FCHO1: variants seen among roughly 807,000 people sequenced by gnomAD.
The protein encoded by FCHO1 is F-BAR domain only protein 1.
FCHO1 carries 45 observed loss-of-function variants against 114.4 expected under a neutral mutation model. The ratio of observed to expected loss-of-function variants is 0.39; its 90% CI spans 0.31 to 0.50. The LOEUF (loss-of-function observed/expected upper bound fraction) is 0.50. FCHO1 is among the 20% of genes least tolerant of loss of function. The probability of loss-of-function intolerance (pLI) is 0.77; values close to 1 mark genes in which losing one functional copy is unlikely to be tolerated. For missense variants in FCHO1, 1,042 were observed against 1,209.6 expected, an observed-to-expected ratio of 0.86 and a Z score of 2.06; for synonymous variants, 480 against 488.9, an observed-to-expected ratio of 0.98 and a Z score of 0.24.
chr19:17,763,968 C>T (rs1475679553), intron 5 of FCHO1, among the ~76,000 whole-genome samples: 1 of 151,924 alleles, frequency 6.6e-6, no homozygotes, highest in Non-Finnish European at 1.5e-5. Flanking sequence ...AAAGCCACTG[C>T]TAAGGTGTTT....
In FCHO1 at chr19:17,778,496, T is replaced by C; in HGVS notation, c.1352-113T>C. On this transcript the variant is annotated intron_variant, in intron 19 of 28. Transcript: ENST00000596536. ...TAGCCTTGGGGGCGTGCACAAGGAC[T>C]TTGAATGGGGGCCCCCCTGACCTTC... 3.1e-6 allele frequency: 4 copies of C among 1,287,346 alleles called. No individual in the cohort carries two copies. In the South Asian group the frequency reaches 6.0e-5, roughly 19 times the overall value. The allele number at this position is 1,287,346 out of a possible 1,614,324, so 79.7% of individuals were successfully genotyped here.
chr19:17,768,711 A>G (rs1480154931), intron 7 of FCHO1, among the ~76,000 whole-genome samples: 2 of 121,610 alleles, frequency 1.6e-5, no homozygotes, highest in East Asian at 8.2e-4. Flanking sequence ...AAACAAGGCA[A>G]AAAAAAAAAA....
In FCHO1 at chr19:17,751,791, G is replaced by A. The variant is rs192290646; in HGVS notation, c.-183+214G>A. On this transcript the variant is annotated intron_variant, in intron 1 of 28. Transcript: ENST00000596536. This position sits in a 1 kb window ranked among gnomAD's most constrained non-coding sequence, Gnocchi z 4.4. ...GTGGTTTGGGTTAGGGGGGCGGCAA[G>A]GGGAGCTTGGAAACCCAGAGAGCCA... Among the ~76,000 whole-genome samples the A allele has an allele frequency of 6.6e-6, 1 of 152,364 alleles. No individual in the cohort carries two copies. Among genetic ancestry groups the A allele is most frequent in the Admixed American group, 6.5e-5 (1 of 15,310 alleles).
At position 17,766,690 on chromosome 19, in the gene FCHO1, G is replaced by A. The variant is rs779018736; in HGVS notation, c.216G>A (p.Glu72=). The A allele has an allele frequency of 1.2e-6, 2 of 1,614,186 alleles. No homozygotes were observed. Among genetic ancestry groups the A allele is most frequent in the Admixed American group, 1.7e-5 (1 of 60,018 alleles). The change falls in exon 7 of 29, where the codon GAG becomes GAA. Residue 72 remains glutamate, a synonymous_variant. Coordinates refer to ENST00000596536, the MANE Select transcript of FCHO1 (RefSeq NM_015122.3). ...CCAGGACCTTCGCCCCGCTCTGGGAGGTCTTCCGCGTCTCCTCGGACAAGC... is the reference window on the plus strand; with the variant it reads ...CCAGGACCTTCGCCCCGCTCTGGGAAGTCTTCCGCGTCTCCTCGGACAAGC... ...TPMGTFAPLW[E]VFRVSSDKLA...
chr19:17,754,870 C>G, intron 3 of FCHO1, 189 bp downstream of exon 3: 2 of 447,458 alleles, frequency 4.5e-6, no homozygotes, highest in South Asian at 4.3e-5. Flanking sequence ...AGCTCTTGTC[C>G]CTCCACCTAG....
At chr19:17,781,147 G>A (rs1158761611) in intron 20 of FCHO1, 84 bp from the exon 21 acceptor site, 13 of 940,468 alleles carry the variant, frequency 1.4e-5, no homozygotes, top group East Asian at 2.4e-5. Context: ...CACCTCCTAA[G>A]ATTTTGGCTG....
rs566025223 is a variant in FCHO1 at position 17,783,216 on chromosome 19, G to A, written c.2093+44G>A. On this transcript the variant is annotated intron_variant, in intron 24 of 28. Coordinates refer to ENST00000596536, the MANE Select transcript of FCHO1 (RefSeq NM_015122.3). ...GGGAGAGGGCCTCGGAGGCTGCTGG[G>A]GATCAGGCTTCCGGACTCTGAGTTC... is the stretch of plus-strand genomic sequence containing the variant. The A allele has an allele frequency of 6.3e-6, 10 of 1,589,652 alleles. No individual in the cohort carries two copies. The South Asian group carries it at 1.1e-4, about 18-fold the overall frequency.
At chr19:17,761,626 G>GTATATA (rs1430327596) in intron 4 of FCHO1, among the ~76,000 whole-genome samples, 2 of 95,624 alleles carry the variant, frequency 2.1e-5, no homozygotes, top group Admixed American at 1.4e-4. Context: ...TTCTTTTCAT[G>GTATATA]TATATACATA....
chr19:17,770,129 G>A (rs1486069855), intron 7 of FCHO1, among the ~76,000 whole-genome samples: 6 of 152,098 alleles, frequency 3.9e-5, no homozygotes, highest in Middle Eastern at 3.4e-3. Flanking sequence ...GTGAAACCCC[G>A]TCTCCACTAA....
chr19:17,784,545 C>T lies in FCHO1; in HGVS notation c.2227-180C>T, dbSNP rs1028829492. 1.3e-5 allele frequency among the ~76,000 whole-genome samples: 2 copies of T among 152,176 alleles called. No homozygotes were observed. The highest frequency in any genetic ancestry group is 1.5e-5 in the Non-Finnish European group (1 of 68,042). On this transcript the variant is annotated intron_variant, in intron 25 of 28. Coordinates refer to ENST00000596536, the MANE Select transcript of FCHO1 (RefSeq NM_015122.3). The surrounding 1 kb of genome is among the most constrained non-coding windows in gnomAD (Gnocchi z 5.3). ...TGGGAGACTTTGTTAGAATGAGGCG[C>T]TCTCCTGCCCCCTGCTGGAAACCTG... is the stretch of plus-strand genomic sequence containing the variant.
rs894486212 is a variant in FCHO1 at position 17,775,867 on chromosome 19, C to T, written c.1004-116C>T. ...AGGACTGAAGGTGGCGCGTGGTGAGCGATGGGATTGGGCAGGACCTCGAAG... is the reference window on the plus strand; with the variant it reads ...AGGACTGAAGGTGGCGCGTGGTGAGTGATGGGATTGGGCAGGACCTCGAAG... On this transcript the variant is annotated intron_variant, in intron 15 of 28. Coordinates refer to ENST00000596536, the MANE Select transcript of FCHO1 (RefSeq NM_015122.3). The surrounding 1 kb of genome is among the most constrained non-coding windows in gnomAD (Gnocchi z 5.1). 1.1e-5 allele frequency: 13 copies of T among 1,237,026 alleles called. No individual in the cohort carries two copies. In the African/African-American group the frequency reaches 1.2e-4, roughly 11 times the overall value. 76.6% of individuals were successfully genotyped at this position (1,237,026 alleles called of 1,614,324 possible).
intron 1 of FCHO1, among the ~76,000 whole-genome samples, chr19:17,752,561 A>G (rs1172532992): frequency 6.6e-6 from 1 of 151,438 alleles, no homozygotes; most frequent in Admixed American, 6.6e-5. Context: ...CGCCCAGCCA[A>G]TTGTATTTAA....
At chr19:17,786,746 A>G (rs886250727) in intron 27 of FCHO1, 117 bp downstream of exon 27, 6 of 1,141,106 alleles carry the variant, frequency 5.3e-6, no homozygotes, top group Non-Finnish European at 7.6e-6. Flanking sequence ...ATGGGCATTG[A>G]GGAAGTCTTT....
upstream of FCHO1, among the ~76,000 whole-genome samples, chr19:17,747,970 G>A (rs892181439): frequency 1.3e-5 from 2 of 152,102 alleles, no homozygotes; most frequent in South Asian, 4.1e-4. Context: ...TGGGCGCCCC[G>A]GCTTCCCCCT....
At chr19:17,762,064 C>T (rs2146556798) in intron 4 of FCHO1, among the ~76,000 whole-genome samples, 1 of 151,800 alleles carries the variant, frequency 6.6e-6, no homozygotes, top group Non-Finnish European at 1.5e-5. Flanking sequence ...CAGCTCACTG[C>T]AACCTCTGCC....
At chr19:17,764,200 C>T (rs2146652529) in intron 5 of FCHO1, among the ~76,000 whole-genome samples, 175 bp from the exon 6 acceptor site, 1 of 152,272 alleles carries the variant, frequency 6.6e-6, no homozygotes, top group Admixed American at 6.5e-5. Context: ...ACCACCACAC[C>T]TGGCTAATTT....
Position 17,775,889 on chromosome 19 carries a change from G to A in FCHO1, c.1004-94G>A, listed in dbSNP as rs759695692. The A allele has an allele frequency of 2.0e-6, 3 of 1,473,492 alleles. No homozygotes were observed. The highest frequency in any genetic ancestry group is 2.3e-5 in the East Asian group (1 of 43,598). The allele number at this position is 1,473,492 out of a possible 1,614,324, so 91.3% of individuals were successfully genotyped here. A position where few individuals can be genotyped will look rare whatever the true frequency, so the allele number is the denominator to read the frequency against. On this transcript the variant is annotated intron_variant, in intron 15 of 28. Coordinates refer to ENST00000596536, the MANE Select transcript of FCHO1 (RefSeq NM_015122.3). This position sits in a 1 kb window ranked among gnomAD's most constrained non-coding sequence, Gnocchi z 5.1. ...GAGCGATGGGATTGGGCAGGACCTC[G>A]AAGGGTTTGAGCAGGGAGGGACGAG...
Position 17,775,336 on chromosome 19 carries a change from C to A in FCHO1, c.946-120C>A. 9.7e-7 allele frequency: 1 copy of A among 1,030,142 alleles called. No individual in the cohort carries two copies. The allele number at this position is 1,030,142 out of a possible 1,614,324, so 63.8% of individuals were successfully genotyped here. A position where few individuals can be genotyped will look rare whatever the true frequency, so the allele number is the denominator to read the frequency against. On this transcript the variant is annotated intron_variant, in intron 14 of 28. Transcript: ENST00000596536. The surrounding 1 kb of genome is among the most constrained non-coding windows in gnomAD (Gnocchi z 5.1). ...ACCCAGGGAAGACAGTCGTTGCCATCAGGGTTGGTTTTGAGGTCTGAGTCA... is the reference window on the plus strand; with the variant it reads ...ACCCAGGGAAGACAGTCGTTGCCATAAGGGTTGGTTTTGAGGTCTGAGTCA...
intron 26 of FCHO1, among the ~76,000 whole-genome samples, chr19:17,785,346 G>A (rs1015776369): frequency 5.3e-5 from 8 of 152,042 alleles, no homozygotes; most frequent in East Asian, 3.9e-4. Context: ...TCAGCCTCCC[G>A]GATAGCTGGG....
Sources: gnomAD v4.1 joint callset for allele counts (sites outside exome capture counted in the v4.1 genomes callset) on GRCh38, gnomAD v4.1.1 for gene constraint, Gnocchi (gnomAD v3.1) non-coding constraint, MANE v1.5 for transcripts, NCBI Gene and HGNC (gene_info 2026-07-23, HGNC 2026-07-21) for gene names.